Variants in ANO2 observed in about 807,000 individuals in gnomAD.
ANO2 encodes the protein anoctamin-2.
In ANO2, 101 loss-of-function variants were observed where a neutral mutation model predicts 124.2. That is an observed-to-expected ratio of 0.81 (90% confidence interval 0.69 to 0.96). The LOEUF (loss-of-function observed/expected upper bound fraction) is 0.96. ANO2 is among the 40% of genes least tolerant of loss of function. ANO2 has a pLI of 0.00. For synonymous variants in ANO2, 486 were observed against 482.5 expected (o/e 1.01, Z -0.09); for missense variants, 1,293 against 1,274.5 (o/e 1.01, Z -0.22).
chr12:5,767,822 C>A (rs1037319331), intron 10 of ANO2, among the ~76,000 whole-genome samples: 6 of 152,152 alleles, frequency 3.9e-5, no homozygotes, highest in Non-Finnish European at 8.8e-5. Context: ...GCCTCTCTGG[C>A]CCACAGGCTG....
intron 3 of ANO2, among the ~76,000 whole-genome samples, chr12:5,920,440 G>A (rs548545720): frequency 1.3e-5 from 2 of 152,220 alleles, no homozygotes; most frequent in African/African-American, 4.8e-5. Context: ...TGCCTTTAAT[G>A]TCTAACTAGG....
chr12:5,588,595 G>A (rs1943239434), intron 20 of ANO2, among the ~76,000 whole-genome samples: 1 of 152,202 alleles, frequency 6.6e-6, no homozygotes, highest in Admixed American at 6.5e-5. Context: ...CTCATGGTCT[G>A]AAACTTATTA....
intron 15 of ANO2, 123 bp downstream of exon 15, chr12:5,647,604 G>C: frequency 2.4e-6 from 2 of 832,020 alleles, no homozygotes; most frequent in South Asian, 3.1e-5. Flanking sequence ...CTCTACACAG[G>C]ACTGTGGCTT....
At position 5,922,824 on chromosome 12, in the gene ANO2, G is replaced by A; in HGVS notation, c.23-20C>T. The A allele has an allele frequency of 1.4e-6, 2 of 1,475,566 alleles. No individual in the cohort carries two copies. Among genetic ancestry groups the A allele is most frequent in the Non-Finnish European group, 1.8e-6 (2 of 1,113,896 alleles). The allele number at this position is 1,475,566 out of a possible 1,614,324, so 91.4% of individuals were successfully genotyped here. A position where few individuals can be genotyped will look rare whatever the true frequency, so the allele number is the denominator to read the frequency against. ...GTATATCTGTGAGAGGGAAAGACAA[G>A]GGAGGCAAAACAGCCTCAGGTGAAG... On this transcript the variant is annotated intron_variant, in intron 1 of 24. Coordinates refer to ENST00000682330, the MANE Select transcript of ANO2 (RefSeq NM_001364791.2).
At chr12:5,682,276 T>G (rs949601237) in intron 14 of ANO2, among the ~76,000 whole-genome samples, 1 of 152,220 alleles carries the variant, frequency 6.6e-6, no homozygotes, top group Non-Finnish European at 1.5e-5. Context: ...CTAGATTGAA[T>G]TATAGACTCT....
At chr12:5,865,116 T>C (rs893172418) in intron 3 of ANO2, among the ~76,000 whole-genome samples, 2 of 152,202 alleles carry the variant, frequency 1.3e-5, no homozygotes, top group Non-Finnish European at 2.9e-5. Flanking sequence ...GATATGCCCC[T>C]GCCTTCTCTT....
chr12:5,633,691 G>A (rs561377439), intron 16 of ANO2, among the ~76,000 whole-genome samples: 3 of 152,226 alleles, frequency 2.0e-5, no homozygotes, highest in South Asian at 4.1e-4. Flanking sequence ...GGCTCCCCTG[G>A]CATCCTGCGT....
At chr12:5,615,141 C>T (rs1222313551) in intron 17 of ANO2, 45 bp downstream of exon 17, 1 of 1,522,132 alleles carries the variant, frequency 6.6e-7, no homozygotes, top group South Asian at 1.2e-5. Flanking sequence ...AGAACCCAGT[C>T]TTAGTGGCAA....
intron 7 of ANO2, among the ~76,000 whole-genome samples, chr12:5,811,662 G>C (rs535822877): frequency 4.6e-5 from 7 of 152,172 alleles, no homozygotes; most frequent in Non-Finnish European, 7.3e-5. Context: ...AATGAGGCTT[G>C]AGTTTCTTTC....
chr12:5,656,516 C>A (rs1027054950), intron 14 of ANO2, among the ~76,000 whole-genome samples: 1 of 152,170 alleles, frequency 6.6e-6, no homozygotes, highest in Non-Finnish European at 1.5e-5. Context: ...ACCTCCTGAT[C>A]TTCCTCTCCT....
intron 14 of ANO2, among the ~76,000 whole-genome samples, chr12:5,692,437 G>A (rs2137015604): frequency 6.6e-6 from 1 of 152,208 alleles, no homozygotes; most frequent in African/African-American, 2.4e-5. Flanking sequence ...GTTGATGTCA[G>A]GATGTTAGTG....
At chr12:5,786,015 G>A (rs1407677148) in intron 10 of ANO2, among the ~76,000 whole-genome samples, 1 of 151,510 alleles carries the variant, frequency 6.6e-6, no homozygotes, top group Non-Finnish European at 1.5e-5. Flanking sequence ...ACAGAGATGG[G>A]GGTGTTCAGG....
intron 14 of ANO2, among the ~76,000 whole-genome samples, chr12:5,668,664 G>A (rs1047146373): frequency 6.6e-6 from 1 of 152,054 alleles, no homozygotes; most frequent in African/African-American, 2.4e-5. Context: ...TTCTTCTATG[G>A]TTTTATAGTT....
chr12:5,873,733 C>T (rs1937898505), intron 3 of ANO2, among the ~76,000 whole-genome samples: 1 of 152,224 alleles, frequency 6.6e-6, no homozygotes, highest in Non-Finnish European at 1.5e-5. Context: ...GCTAATGGGG[C>T]TGCTTGGGAG....
intron 14 of ANO2, among the ~76,000 whole-genome samples, chr12:5,731,979 T>C (rs1950659667): frequency 6.6e-6 from 1 of 152,200 alleles, no homozygotes; most frequent in Admixed American, 6.5e-5. Flanking sequence ...AGGCACAGAC[T>C]AATAGACCTG....
intron 11 of ANO2, among the ~76,000 whole-genome samples, chr12:5,747,174 G>A (rs895136990): frequency 2.6e-5 from 4 of 152,156 alleles, no homozygotes; most frequent in Admixed American, 1.3e-4. Context: ...AAGTTCCTGC[G>A]CTGTGAATCT....
At chr12:5,827,189 A>G (rs1953981669) in intron 7 of ANO2, among the ~76,000 whole-genome samples, 1 of 152,162 alleles carries the variant, frequency 6.6e-6, no homozygotes. Context: ...CCTGCCTTAT[A>G]CTTGGTCCCA....
chr12:5,602,955 A>G (rs1165841427), intron 19 of ANO2, among the ~76,000 whole-genome samples: 1 of 152,264 alleles, frequency 6.6e-6, no homozygotes, highest in African/African-American at 2.4e-5. Flanking sequence ...AAGACAGACT[A>G]AAGACACTTT....
chr12:5,707,738 A>AGCTTTCCC (rs1949666582), intron 14 of ANO2, among the ~76,000 whole-genome samples: 2 of 152,352 alleles, frequency 1.3e-5, no homozygotes, highest in Admixed American at 1.3e-4. Context: ...AAGCCGGCTC[A>AGCTTTCCC]GCTTTCCCCT....
Sources: gnomAD v4.1 joint callset for allele counts (sites outside exome capture counted in the v4.1 genomes callset) on GRCh38, gnomAD v4.1.1 for gene constraint, MANE v1.5 for transcripts, NCBI Gene and HGNC (gene_info 2026-07-23, HGNC 2026-07-21) for gene names.